ATF7: variants seen among roughly 807,000 people sequenced by gnomAD.
ATF7 encodes the protein cyclic AMP-dependent transcription factor ATF-7.
In ATF7, 10 loss-of-function variants were observed where a neutral mutation model predicts 50.4. That is an observed-to-expected ratio of 0.20 (90% confidence interval 0.12 to 0.34). The LOEUF (loss-of-function observed/expected upper bound fraction) is 0.34, where lower values mean the gene tolerates loss of function less well. Ranked by LOEUF, ATF7 falls within the 10% of genes least tolerant of loss-of-function variation. ATF7 has a pLI of 1.00. For missense variants in ATF7, 465 were observed against 613.9 expected (o/e 0.76, Z 2.56); for synonymous variants, 201 against 226.4 (o/e 0.89, Z 1.01).
At chr12:53,616,206 T>C (rs935839453) in intron 1 of ATF7, among the ~76,000 whole-genome samples, 1 of 152,244 alleles carries the variant, frequency 6.6e-6, no homozygotes. Flanking sequence ...CTAAGCTAAA[T>C]CTTGGCTCCC....
chr12:53,570,075 C>G (rs1043489579), intron 2 of ATF7, among the ~76,000 whole-genome samples: 1 of 152,140 alleles, frequency 6.6e-6, no homozygotes, highest in Non-Finnish European at 1.5e-5. Context: ...AACCTGACCT[C>G]AGGCTTCCTC....
chr12:53,604,666 CA>C (rs1444844683), intron 1 of ATF7, among the ~76,000 whole-genome samples: 3 of 152,082 alleles, frequency 2.0e-5, no homozygotes, highest in South Asian at 2.1e-4. Flanking sequence ...AAGCCACATA[CA>C]AACACATCCA....
chr12:53,519,661 T>C (rs1937979412), intron 11 of ATF7, among the ~76,000 whole-genome samples: 1 of 152,176 alleles, frequency 6.6e-6, no homozygotes, highest in Non-Finnish European at 1.5e-5. Context: ...ATCAGAGTTC[T>C]TGCAGGGACT....
intron 2 of ATF7, among the ~76,000 whole-genome samples, chr12:53,600,348 T>C (rs989048764): frequency 1.1e-4 from 16 of 152,100 alleles, no homozygotes; most frequent in South Asian, 6.2e-4. Flanking sequence ...TTCTTTCTTT[T>C]TTTTTTTTTG....
At position 53,610,487 on chromosome 12, in the gene ATF7, C is replaced by A. The variant is rs1296452780; in HGVS notation, c.-21-9466G>T. Among the ~76,000 whole-genome samples, 6 of 151,270 alleles carry A rather than the reference C, an allele frequency of 4.0e-5. No homozygotes were observed. In the East Asian group the frequency reaches 9.7e-4, roughly 25 times the overall value. On this transcript the variant is annotated intron_variant, in intron 1 of 11. Transcript: ENST00000420353. ...GGGTGAGGTGGGAGAATCACTTGAA[C>A]CCAGAAGGCGGAGGTTGCAGTGAGC...
chr12:53,610,512 C>T (rs1342800790), intron 1 of ATF7, among the ~76,000 whole-genome samples: 1 of 148,120 alleles, frequency 6.8e-6, no homozygotes, highest in Middle Eastern at 3.4e-3. Context: ...TTGCAGTGAG[C>T]TGAGATCACA....
chr12:53,537,940 G>A (rs189868895), intron 4 of ATF7, among the ~76,000 whole-genome samples: 95 of 151,918 alleles, frequency 6.3e-4, no homozygotes, highest in Non-Finnish European at 5.7e-4. Flanking sequence ...TCGAACTCCC[G>A]ACCTCAGGTG....
intron 1 of ATF7, among the ~76,000 whole-genome samples, chr12:53,624,009 T>A (rs1374852224): frequency 6.6e-6 from 1 of 152,132 alleles, no homozygotes; most frequent in Non-Finnish European, 1.5e-5. Flanking sequence ...GTGTTATCAC[T>A]CTAGCTTTCT....
rs894919495 is a variant in ATF7, at chr12:53,625,845, T to A, written c.-22+434A>T. ...TTAGTATCCCTCCTCTTTCTCCCATTCCACCCCATCCCATGATCCTTCCAT... is the reference window on the plus strand; with the variant it reads ...TTAGTATCCCTCCTCTTTCTCCCATACCACCCCATCCCATGATCCTTCCAT... On this transcript the variant is annotated intron_variant, in intron 1 of 11. Coordinates refer to ENST00000420353, the MANE Select transcript of ATF7 (RefSeq NM_006856.3). 1.3e-4 allele frequency: 20 copies of A among 152,326 alleles called. No homozygotes were observed. The East Asian group carries it at 3.7e-3, about 28-fold the overall frequency. The allele number at this position is 152,326 out of a possible 1,614,324, so 9.4% of individuals were successfully genotyped here.
At chr12:53,566,999 G>A (rs549867393) in intron 2 of ATF7, among the ~76,000 whole-genome samples, 2 of 152,228 alleles carry the variant, frequency 1.3e-5, no homozygotes, top group Non-Finnish European at 2.9e-5. Context: ...TGATCCGCCC[G>A]CCTCTGCCTC....
At chr12:53,567,787 A>G (rs563986334) in intron 2 of ATF7, among the ~76,000 whole-genome samples, 2 of 152,364 alleles carry the variant, frequency 1.3e-5, no homozygotes, top group African/African-American at 4.8e-5. Flanking sequence ...TAAAGTCCCC[A>G]AAGGGATAAC....
Position 53,524,826 on chromosome 12 carries a change from A to G in ATF7, c.928-65T>C, listed in dbSNP as rs919353598. 1.6e-5 allele frequency: 22 copies of G among 1,375,402 alleles called. No homozygotes were observed. The African/African-American group carries it at 3.1e-4, about 19-fold the overall frequency. The allele number at this position is 1,375,402 out of a possible 1,614,324, so 85.2% of individuals were successfully genotyped here. ...ATTAATCCTTTCCAAATCACACCTGATGTTAGGTAGAGTAGTAAGATCTGG... is the reference window on the plus strand; with the variant it reads ...ATTAATCCTTTCCAAATCACACCTGGTGTTAGGTAGAGTAGTAAGATCTGG... On this transcript the variant is annotated intron_variant, in intron 9 of 11. Coordinates refer to ENST00000420353, the MANE Select transcript of ATF7 (RefSeq NM_006856.3). This position sits in a 1 kb window ranked among gnomAD's most constrained non-coding sequence, Gnocchi z 4.6.
chr12:53,598,470 T>C (rs1012365498), intron 2 of ATF7, among the ~76,000 whole-genome samples: 7 of 152,194 alleles, frequency 4.6e-5, no homozygotes, highest in African/African-American at 1.7e-4. Flanking sequence ...AGCCGGAGGT[T>C]ATAATGAATC....
downstream of ATF7, among the ~76,000 whole-genome samples, chr12:53,509,055 T>C (rs919710548): frequency 3.9e-5 from 6 of 152,172 alleles, no homozygotes; most frequent in South Asian, 2.1e-4. Flanking sequence ...CGAGTCCCTT[T>C]TGGAGCATCC....
intron 8 of ATF7, 55 bp downstream of exon 8, chr12:53,532,455 T>C (rs1434839056): frequency 2.9e-6 from 4 of 1,384,556 alleles, no homozygotes; most frequent in Non-Finnish European, 4.0e-6. Flanking sequence ...CCTAGGCTGG[T>C]ATCACCCACT....
At chr12:53,550,665 A>G (rs1940296761) in intron 3 of ATF7, among the ~76,000 whole-genome samples, 1 of 152,214 alleles carries the variant, frequency 6.6e-6, no homozygotes, top group African/African-American at 2.4e-5. Context: ...GGAGACAAGG[A>G]GGTTAAGTTC....
intron 3 of ATF7, among the ~76,000 whole-genome samples, chr12:53,545,448 TGCCTCAGCCTCCCAAGTA>T: frequency 6.6e-6 from 1 of 152,290 alleles, no homozygotes; most frequent in Non-Finnish European, 1.5e-5. Flanking sequence ...GGGATTCTCC[TGCCTCAGCCTCCCAAGTA>T]GCTGGGATTG....
At chr12:53,579,108 C>G (rs1051584935) in intron 2 of ATF7, among the ~76,000 whole-genome samples, 1 of 151,820 alleles carries the variant, frequency 6.6e-6, no homozygotes, top group African/African-American at 2.4e-5. Context: ...ATTAGTCAGG[C>G]ATGGTGGTAC....
chr12:53,625,793 T>G (rs1038783763), intron 1 of ATF7, among the ~76,000 whole-genome samples: 1 of 152,254 alleles, frequency 6.6e-6, no homozygotes, highest in East Asian at 1.9e-4. Context: ...TCCCACTCTT[T>G]GGGAAGCCCT....
Sources: gnomAD v4.1 joint callset for allele counts (sites outside exome capture counted in the v4.1 genomes callset) on GRCh38, gnomAD v4.1.1 for gene constraint, Gnocchi (gnomAD v3.1) non-coding constraint, MANE v1.5 for transcripts, NCBI Gene and HGNC (gene_info 2026-07-23, HGNC 2026-07-21) for gene names.